The following NFIA variants were observed in gnomAD, a reference collection of about 807,000 sequenced individuals.
NFIA encodes nuclear factor I A, also known as nuclear factor 1 A-type.
Under a neutral mutation model 62.8 loss-of-function variants are expected in NFIA, and 8 were observed. The observed-to-expected ratio is 0.13, with a 90% CI of 0.07 to 0.23. The LOEUF (loss-of-function observed/expected upper bound fraction) is 0.23, where lower values mean the gene tolerates loss of function less well. Ranked by LOEUF, NFIA falls within the 10% of genes least tolerant of loss-of-function variation. The pLI, the probability that NFIA is intolerant of heterozygous loss-of-function variation, is 1.00. For synonymous variants in NFIA, 235 were observed against 238.1 expected (o/e 0.99, Z 0.12); for missense variants, 410 against 642.1 (o/e 0.64, Z 3.91).
chr1:61,182,712 C>A (rs1402305281), intron 2 of NFIA, among the ~76,000 whole-genome samples: 1 of 152,062 alleles, frequency 6.6e-6, no homozygotes, highest in Non-Finnish European at 1.5e-5. Flanking sequence ...AAAATAAGTT[C>A]TTCTCTTCAT....
chr1:61,284,286 C>T (rs538584770), intron 3 of NFIA, among the ~76,000 whole-genome samples: 2 of 152,194 alleles, frequency 1.3e-5, no homozygotes, highest in Non-Finnish European at 2.9e-5. Flanking sequence ...GCTAGTCTCT[C>T]TTCTTTAAGA....
chr1:61,285,791 T>C (rs547250653), intron 3 of NFIA, among the ~76,000 whole-genome samples: 1 of 152,252 alleles, frequency 6.6e-6, no homozygotes, highest in African/African-American at 2.4e-5. Flanking sequence ...TCCACAGGCA[T>C]CATATGGTGA....
At chr1:61,267,133 A>G (rs944546736) in intron 2 of NFIA, among the ~76,000 whole-genome samples, 1 of 152,236 alleles carries the variant, frequency 6.6e-6, no homozygotes, top group Non-Finnish European at 1.5e-5. Flanking sequence ...AAGGGAGGAT[A>G]CCAGGCCTAA....
At chr1:61,191,428 C>T (rs1193541017) in intron 2 of NFIA, among the ~76,000 whole-genome samples, 1 of 151,974 alleles carries the variant, frequency 6.6e-6, no homozygotes, top group African/African-American at 2.4e-5. Flanking sequence ...GTGCCTGTTC[C>T]ACCAATTCTG....
At chr1:61,310,540 G>A (rs895212993) in intron 3 of NFIA, among the ~76,000 whole-genome samples, 2 of 152,048 alleles carry the variant, frequency 1.3e-5, no homozygotes, top group Non-Finnish European at 2.9e-5. Context: ...TAAATGTCTC[G>A]TAATGCTCTG....
intron 10 of NFIA, 132 bp downstream of exon 10, chr1:61,426,688 C>T (rs1666885959): frequency 1.4e-6 from 1 of 696,706 alleles, no homozygotes; most frequent in South Asian, 1.9e-5. Flanking sequence ...CTGATCCCAC[C>T]AGCCACATTT....
chr1:61,407,098 T>G (rs1665878294), intron 9 of NFIA, among the ~76,000 whole-genome samples: 1 of 152,242 alleles, frequency 6.6e-6, no homozygotes, highest in Non-Finnish European at 1.5e-5. Context: ...CAGCCCTGCC[T>G]TCCAGGAACT....
chr1:61,098,070 A>G (rs1646447114), intron 2 of NFIA, among the ~76,000 whole-genome samples: 1 of 152,224 alleles, frequency 6.6e-6, no homozygotes, highest in Admixed American at 6.5e-5. Context: ...ACTATAGAAT[A>G]AGTAATTAAG....
At chr1:61,120,551 G>C (rs1570198737) in intron 2 of NFIA, among the ~76,000 whole-genome samples, 2 of 152,240 alleles carry the variant, frequency 1.3e-5, no homozygotes, top group South Asian at 4.1e-4. Context: ...CAGTCACACA[G>C]AGCTGCCATC....
At chr1:61,223,208 T>G (rs1570408292) in intron 2 of NFIA, among the ~76,000 whole-genome samples, 1 of 152,076 alleles carries the variant, frequency 6.6e-6, no homozygotes, top group East Asian at 1.9e-4. Context: ...AACATTTTCT[T>G]TAGGAGTTTT....
chr1:61,196,060 A>C (rs1651967183), intron 2 of NFIA, among the ~76,000 whole-genome samples: 1 of 152,186 alleles, frequency 6.6e-6, no homozygotes, highest in South Asian at 2.1e-4. Context: ...TAACATGTTT[A>C]CAAGTTTTTA....
At chr1:61,388,434 C>T (rs1277061128) in intron 7 of NFIA, among the ~76,000 whole-genome samples, 1 of 152,180 alleles carries the variant, frequency 6.6e-6, no homozygotes, top group Non-Finnish European at 1.5e-5. Context: ...GGTTGATGAT[C>T]TGAAGGGTCT....
At chr1:61,283,417 C>CAA (rs778374669) in intron 3 of NFIA, among the ~76,000 whole-genome samples, 5 of 126,918 alleles carry the variant, frequency 3.9e-5, no homozygotes, top group African/African-American at 1.2e-4. Flanking sequence ...CTAAAAATAC[C>CAA]AAAAAAAAAA....
intron 2 of NFIA, among the ~76,000 whole-genome samples, chr1:61,095,832 CT>C (rs1218734036): frequency 5.3e-5 from 8 of 152,104 alleles, no homozygotes; most frequent in Non-Finnish European, 8.8e-5. Context: ...AAACTAAGCA[CT>C]ATTTTAAAAA....
rs575026459 is a variant in NFIA at position 61,154,403 on chromosome 1, G to A, written c.559+65723G>A. Among the ~76,000 whole-genome samples the A allele has an allele frequency of 1.8e-4, 27 of 152,182 alleles. No homozygotes were observed. The East Asian group carries it at 3.5e-3, about 20-fold the overall frequency. On this transcript the variant is annotated intron_variant, in intron 2 of 10. Transcript: ENST00000403491. ...ACTCCTGACCTTAGGTGATCCGCCCGCCTTGGCCTCCCAAAGTGCTGGGAT... is the reference window on the plus strand; with the variant it reads ...ACTCCTGACCTTAGGTGATCCGCCCACCTTGGCCTCCCAAAGTGCTGGGAT...
At chr1:61,334,699 T>C (rs995537088) in intron 4 of NFIA, among the ~76,000 whole-genome samples, 29 of 148,232 alleles carry the variant, frequency 2.0e-4, no homozygotes, top group Non-Finnish European at 3.1e-4. Flanking sequence ...CCTTAAAGAG[T>C]GAAATGAAAA....
At chr1:61,408,590 A>G (rs1377966774) in intron 9 of NFIA, among the ~76,000 whole-genome samples, 2 of 152,172 alleles carry the variant, frequency 1.3e-5, no homozygotes, top group Non-Finnish European at 2.9e-5. Context: ...TATGCAATCA[A>G]TTCCGTGGAA....
At chr1:61,103,073 C>G (rs1385720870) in intron 2 of NFIA, among the ~76,000 whole-genome samples, 2 of 152,092 alleles carry the variant, frequency 1.3e-5, no homozygotes, top group Non-Finnish European at 2.9e-5. Flanking sequence ...TGTATTTAGA[C>G]AAATGTAGCC....
chr1:61,276,006 T>C (rs1275911035), intron 2 of NFIA, among the ~76,000 whole-genome samples: 3 of 152,168 alleles, frequency 2.0e-5, no homozygotes, highest in Non-Finnish European at 2.9e-5. Flanking sequence ...TAAAGGTTTT[T>C]GGCATATAAT....
Sources: gnomAD v4.1 joint callset for allele counts (sites outside exome capture counted in the v4.1 genomes callset) on GRCh38, gnomAD v4.1.1 for gene constraint, MANE v1.5 for transcripts, NCBI Gene and HGNC (gene_info 2026-07-23, HGNC 2026-07-21) for gene names.